The following INTS4 variants were observed in gnomAD, a reference collection of about 807,000 sequenced individuals.
INTS4 encodes MSTP093.
A neutral mutation model predicts 119.5 loss-of-function variants in INTS4; 70 were observed. The observed-to-expected ratio is 0.59, with a 90% CI of 0.48 to 0.71. The LOEUF (loss-of-function observed/expected upper bound fraction) is 0.71. Among genes scored for constraint, INTS4 ranks in the 30% least tolerant of loss-of-function variants. The pLI, the probability that INTS4 is intolerant of heterozygous loss-of-function variation, is 0.00. For synonymous variants in INTS4, 316 were observed against 419.6 expected (o/e 0.75, Z 3.02); for missense variants, 867 against 1,173.2 (o/e 0.74, Z 3.81).
intron 8 of INTS4, among the ~76,000 whole-genome samples, chr11:77,945,355 A>T (rs1396829033): frequency 6.6e-6 from 1 of 152,238 alleles, no homozygotes; most frequent in East Asian, 1.9e-4. Flanking sequence ...CCTTGTCCTA[A>T]GCTGCTGTAG....
intron 14 of INTS4, among the ~76,000 whole-genome samples, chr11:77,920,230 T>TATATATAC (rs1157839967): frequency 0.086 from 3,244 of 37,680 alleles, 102 homozygotes; most frequent in African/African-American, 0.22. Flanking sequence ...CACATATACA[T>TATATATAC]ACATATATAC....
intron 15 of INTS4, chr11:77,917,977 A>T (rs906837506): frequency 2.9e-6 from 2 of 685,434 alleles, no homozygotes; most frequent in African/African-American, 3.6e-5. Flanking sequence ...GTAAAATTAG[A>T]GTGTACAACT....
intron 10 of INTS4, among the ~76,000 whole-genome samples, chr11:77,934,221 C>T (rs1953735718): frequency 6.6e-6 from 1 of 151,898 alleles, no homozygotes; most frequent in South Asian, 2.1e-4. Flanking sequence ...TCACCACTCC[C>T]TAATCTCAAG....
At chr11:77,909,241 A>C (rs552775431) in intron 15 of INTS4, among the ~76,000 whole-genome samples, 1 of 152,264 alleles carries the variant, frequency 6.6e-6, no homozygotes, top group Non-Finnish European at 1.5e-5. Flanking sequence ...CAATGATATA[A>C]ATAAGCCACT....
At chr11:77,944,969 A>G (rs879422563) in intron 8 of INTS4, among the ~76,000 whole-genome samples, 5 of 152,216 alleles carry the variant, frequency 3.3e-5, no homozygotes, top group Non-Finnish European at 5.9e-5. Context: ...TACCTGGCAC[A>G]TATCACCCAC....
At chr11:77,986,723 A>G (rs1856470783) in intron 2 of INTS4, among the ~76,000 whole-genome samples, 1 of 152,174 alleles carries the variant, frequency 6.6e-6, no homozygotes, top group South Asian at 2.1e-4. Flanking sequence ...CCTTCTCAGC[A>G]AACTATCACA....
At chr11:77,878,689 C>G (rs761106170), downstream of INTS4, 83 of 684,410 alleles carry the variant, frequency 1.2e-4, 1 homozygote, top group Admixed American at 2.5e-4. Flanking sequence ...TAGCCACACG[C>G]ATTTCTTTAC....
intron 4 of INTS4, among the ~76,000 whole-genome samples, chr11:77,974,753 A>C (rs1187388301): frequency 6.6e-6 from 1 of 151,836 alleles, no homozygotes; most frequent in African/African-American, 2.4e-5. Context: ...GGTACAAGCC[A>C]CCAGACCCGG....
chr11:77,936,432 G>C (rs1315433400), intron 10 of INTS4, among the ~76,000 whole-genome samples: 1 of 152,098 alleles, frequency 6.6e-6, no homozygotes, highest in Non-Finnish European at 1.5e-5. Context: ...ACCCAGACTG[G>C]AGTGCACTTG....
intron 18 of INTS4, among the ~76,000 whole-genome samples, chr11:77,896,140 A>T (rs1286017498): frequency 6.6e-6 from 1 of 152,216 alleles, no homozygotes; most frequent in Non-Finnish European, 1.5e-5. Flanking sequence ...GTGAGAGTTA[A>T]CAGGGGATTT....
At chr11:77,952,841 T>C (rs1167790162) in intron 8 of INTS4, among the ~76,000 whole-genome samples, 1 of 152,192 alleles carries the variant, frequency 6.6e-6, no homozygotes, top group Non-Finnish European at 1.5e-5. Context: ...AAACTGCCTA[T>C]TCAGGTAAAG....
chr11:77,963,478 G>A (rs1277417411), intron 4 of INTS4: 2 of 416,510 alleles, frequency 4.8e-6, no homozygotes, highest in Non-Finnish European at 9.3e-6. Context: ...ATTTTGTCAG[G>A]CCATTGAAGT....
intron 4 of INTS4, among the ~76,000 whole-genome samples, chr11:77,963,632 A>C (rs1207375839): frequency 6.6e-6 from 1 of 152,186 alleles, no homozygotes; most frequent in Non-Finnish European, 1.5e-5. Flanking sequence ...AAATCTGAGA[A>C]TGAAGTTGAA....
chr11:77,965,637 T>C (rs977316800), intron 4 of INTS4, among the ~76,000 whole-genome samples: 1 of 152,236 alleles, frequency 6.6e-6, no homozygotes, highest in African/African-American at 2.4e-5. Context: ...GGTTCATACA[T>C]GTTGTCATGA....
intron 17 of INTS4, among the ~76,000 whole-genome samples, chr11:77,902,232 C>T (rs1952800624): frequency 6.6e-6 from 1 of 152,026 alleles, no homozygotes; most frequent in Non-Finnish European, 1.5e-5. Context: ...TTTCTGTAAA[C>T]AGGGAAGAAA....
intron 21 of INTS4, among the ~76,000 whole-genome samples, chr11:77,886,475 G>C (rs7112346): frequency 0.021 from 3,150 of 151,908 alleles, 99 homozygotes; most frequent in African/African-American, 0.071. Flanking sequence ...TTTCTGCCCA[G>C]TGCTCTGAAT....
At chr11:77,945,171 G>A (rs1399849361) in intron 8 of INTS4, among the ~76,000 whole-genome samples, 1 of 152,124 alleles carries the variant, frequency 6.6e-6, no homozygotes, top group Non-Finnish European at 1.5e-5. Flanking sequence ...AAAATCAGAG[G>A]AAATTCTTAC....
chr11:77,940,640 TG>T (rs1204256410), intron 9 of INTS4, among the ~76,000 whole-genome samples: 1 of 152,128 alleles, frequency 6.6e-6, no homozygotes, highest in Admixed American at 6.5e-5. Context: ...TGTTGTTTTT[TG>T]GGTTTTGTTT....
chr11:77,969,533 C>G (rs368476182), intron 4 of INTS4, among the ~76,000 whole-genome samples: 3 of 152,048 alleles, frequency 2.0e-5, no homozygotes, highest in Non-Finnish European at 4.4e-5. Flanking sequence ...AGATGTGCAC[C>G]ATCACACCTG....
Sources: allele counts gnomAD v4.1 joint callset (sites outside exome capture counted in the v4.1 genomes callset), GRCh38; gene constraint gnomAD v4.1.1; transcripts MANE v1.5; gene names NCBI Gene and HGNC (gene_info 2026-07-23, HGNC 2026-07-21).